The following ASNS variants were observed in gnomAD, a reference collection of about 807,000 sequenced individuals.
ASNS encodes asparagine synthetase (glutamine-hydrolyzing).
Under a neutral mutation model 62.6 loss-of-function variants are expected in ASNS, and 37 were observed. The ratio of observed to expected loss-of-function variants is 0.59; its 90% CI spans 0.45 to 0.78. ASNS has a LOEUF of 0.78. Ranked by LOEUF, ASNS falls within the 30% of genes least tolerant of loss-of-function variation. The pLI, the probability that ASNS is intolerant of heterozygous loss-of-function variation, is 0.00. For missense variants in ASNS, 520 were observed against 682.4 expected (o/e 0.76, Z 2.65); for synonymous variants, 207 against 237.9 (o/e 0.87, Z 1.19).
chr7:97,885,474 A>C, the ASNS span, among the ~76,000 whole-genome samples: 2 of 152,322 alleles, frequency 1.3e-5, no homozygotes, highest in Admixed American at 6.5e-5. Flanking sequence ...TGTAAGAAAG[A>C]AAGCCTTTCC....
At chr7:97,914,875 A>G in the ASNS span, among the ~76,000 whole-genome samples, 2 of 152,232 alleles carry the variant, frequency 1.3e-5, no homozygotes, top group South Asian at 2.1e-4. Context: ...ACAGGTGGGA[A>G]GCAGGCTGTA....
Position 97,852,020 on chromosome 7 carries a change from T to C in ASNS, c.*239A>G. 1 of 514,128 alleles carries C rather than the reference T, an allele frequency of 1.9e-6. No homozygotes were observed. The highest frequency in any genetic ancestry group is 3.4e-5 in the East Asian group (1 of 29,148). 31.8% of individuals were successfully genotyped at this position (514,128 alleles called of 1,614,324 possible). A position where few individuals can be genotyped will look rare whatever the true frequency, so the allele number is the denominator to read the frequency against. On this transcript the variant is annotated 3_prime_UTR_variant, in exon 13 of 13. Transcript: ENST00000394308. ...GCTGTGAGTTCTTGCAGACATCTGA[T>C]CATTTTCCCTTTTCCTAGCTTACCC...
At chr7:97,876,876 G>A (rs1358512192), upstream of ASNS, among the ~76,000 whole-genome samples, 2 of 152,082 alleles carry the variant, frequency 1.3e-5, no homozygotes, top group African/African-American at 2.4e-5. Flanking sequence ...TTTAGTGGAC[G>A]CTGTAATGAC....
At chr7:97,872,664 G>C (rs1413382036), upstream of ASNS, 1 of 152,314 alleles carries the variant, frequency 6.6e-6, no homozygotes, top group Non-Finnish European at 1.5e-5. Flanking sequence ...CTGACAATTA[G>C]GGAGGCTTCT....
chr7:97,887,243 A>T, the ASNS span, among the ~76,000 whole-genome samples: 3 of 152,208 alleles, frequency 2.0e-5, no homozygotes, highest in Non-Finnish European at 4.4e-5. Flanking sequence ...GCAGACCTGC[A>T]GGACATCGAG....
chr7:97,902,240 G>T, the ASNS span, among the ~76,000 whole-genome samples: 1 of 152,046 alleles, frequency 6.6e-6, no homozygotes, highest in East Asian at 1.9e-4. Flanking sequence ...ACCTTGAAAG[G>T]GTCCTCTTGG....
At chr7:97,894,418 C>T in the ASNS span, among the ~76,000 whole-genome samples, 137 of 89,388 alleles carry the variant, frequency 1.5e-3, no homozygotes, top group South Asian at 3.2e-3. Flanking sequence ...AAAGAATCAA[C>T]AAGATAAAAG....
the ASNS span, among the ~76,000 whole-genome samples, chr7:97,904,239 CT>C: frequency 6.6e-6 from 1 of 150,726 alleles, no homozygotes; most frequent in African/African-American, 2.4e-5. Context: ...AGGTTGCTAT[CT>C]TTTTTTCTTT....
chr7:97,909,018 C>T, the ASNS span: 1 of 152,128 alleles, frequency 6.6e-6, no homozygotes, highest in African/African-American at 2.4e-5. Flanking sequence ...CTTCCTAGCA[C>T]AGGAAATGAC....
intron 3 of ASNS, among the ~76,000 whole-genome samples, chr7:97,868,003 T>C (rs1445600955): frequency 6.6e-6 from 1 of 152,154 alleles, no homozygotes; most frequent in Non-Finnish European, 1.5e-5. Flanking sequence ...TGCATGAACC[T>C]TGAATGAAAT....
chr7:97,867,998 G>T (rs1792055932), intron 3 of ASNS, among the ~76,000 whole-genome samples: 1 of 152,106 alleles, frequency 6.6e-6, no homozygotes, highest in South Asian at 2.1e-4. Flanking sequence ...CCAAATGCAT[G>T]AACCTTGAAT....
At chr7:97,852,705 T>C (rs532772058) in intron 12 of ASNS, among the ~76,000 whole-genome samples, 1 of 152,334 alleles carries the variant, frequency 6.6e-6, no homozygotes, top group South Asian at 2.1e-4. Context: ...TAGTCATTTG[T>C]GCCTAACAAG....
the ASNS span, among the ~76,000 whole-genome samples, chr7:97,878,827 A>C: frequency 1.3e-5 from 2 of 152,190 alleles, no homozygotes; most frequent in Non-Finnish European, 2.9e-5. Flanking sequence ...AAAAGAGCCC[A>C]CATTGCCAAG....
At chr7:97,894,026 C>A in the ASNS span, among the ~76,000 whole-genome samples, 2 of 152,280 alleles carry the variant, frequency 1.3e-5, no homozygotes, top group African/African-American at 4.8e-5. Flanking sequence ...TATCAAGTAT[C>A]TTCTCAGACC....
the ASNS span, among the ~76,000 whole-genome samples, chr7:97,921,772 C>A: frequency 1.3e-5 from 2 of 152,174 alleles, no homozygotes; most frequent in Non-Finnish European, 2.9e-5. Flanking sequence ...TGGAGTCCCA[C>A]AAACCACAGT....
upstream of ASNS, among the ~76,000 whole-genome samples, chr7:97,872,694 G>A (rs967746587): frequency 1.3e-5 from 2 of 152,220 alleles, no homozygotes; most frequent in African/African-American, 4.8e-5. Flanking sequence ...TTGTTCTTCG[G>A]GAAATCATCA....
chr7:97,869,690 A>G (rs1410750197), intron 2 of ASNS, 88 bp downstream of exon 2: 1 of 155,796 alleles, frequency 6.4e-6, no homozygotes, highest in Non-Finnish European at 1.4e-5. Flanking sequence ...CAGGTACCAT[A>G]TAATGGGTAC....
At chr7:97,910,363 ATATTCAC>A in the ASNS span, among the ~76,000 whole-genome samples, 1,070 of 152,316 alleles carry the variant, frequency 7.0e-3, 14 homozygotes, top group Middle Eastern at 0.031. Flanking sequence ...AAACCTATAA[ATATTCAC>A]TACCATCCCA....
chr7:97,899,731 A>G, the ASNS span, among the ~76,000 whole-genome samples: 1 of 152,238 alleles, frequency 6.6e-6, no homozygotes, highest in Non-Finnish European at 1.5e-5. Context: ...TCCACGCTGT[A>G]GCGTATGTAC....
Sources: gnomAD v4.1 joint callset for allele counts (sites outside exome capture counted in the v4.1 genomes callset) on GRCh38, gnomAD v4.1.1 for gene constraint, MANE v1.5 for transcripts, NCBI Gene and HGNC (gene_info 2026-07-23, HGNC 2026-07-21) for gene names.